The following LIPI variants were observed in gnomAD, a reference collection of about 807,000 sequenced individuals.
LIPI encodes lipase member I.
Under a neutral mutation model 50.6 loss-of-function variants are expected in LIPI, and 59 were observed. The observed-to-expected ratio is 1.16, with a 90% CI of 0.94 to 1.45. The LOEUF (loss-of-function observed/expected upper bound fraction) is 1.45. LIPI is among the 40% of genes most tolerant of loss of function. The pLI, the probability that LIPI is intolerant of heterozygous loss-of-function variation, is 0.00. For missense variants in LIPI, 586 were observed against 536.3 expected, an observed-to-expected ratio of 1.09 and a Z score of -0.92; for synonymous variants, 203 against 178.2, an observed-to-expected ratio of 1.14 and a Z score of -1.11.
intron 3 of LIPI, among the ~76,000 whole-genome samples, chr21:14,183,771 A>T (rs190339701): frequency 0.14 from 20,978 of 152,208 alleles, 1,910 homozygotes; most frequent in Non-Finnish European, 0.2. Flanking sequence ...CAAAACCACA[A>T]TGAGATACCA....
At chr21:14,186,541 A>T (rs895891675) in intron 2 of LIPI, among the ~76,000 whole-genome samples, 1 of 152,230 alleles carries the variant, frequency 6.6e-6, no homozygotes, top group Non-Finnish European at 1.5e-5. Flanking sequence ...TTATTAAGGA[A>T]ACTGCCAGAA....
At chr21:14,152,962 C>T (rs746373027) in intron 7 of LIPI, among the ~76,000 whole-genome samples, 6 of 152,148 alleles carry the variant, frequency 3.9e-5, no homozygotes, top group Non-Finnish European at 7.3e-5. Flanking sequence ...ATCCTAAATA[C>T]TGGCTTGTCT....
chr21:14,192,557 C>G (rs2019712662), intron 1 of LIPI, among the ~76,000 whole-genome samples: 1 of 151,916 alleles, frequency 6.6e-6, no homozygotes, highest in Non-Finnish European at 1.5e-5. Context: ...TCTTAAGGAA[C>G]ATTAAATTGA....
At chr21:14,198,303 C>G (rs2019931129) in intron 1 of LIPI, among the ~76,000 whole-genome samples, 1 of 151,998 alleles carries the variant, frequency 6.6e-6, no homozygotes, top group Non-Finnish European at 1.5e-5. Flanking sequence ...ATAAATGCCC[C>G]AATTGAAAGA....
chr21:14,199,342 C>G (rs1012084995), intron 1 of LIPI, among the ~76,000 whole-genome samples: 13 of 151,666 alleles, frequency 8.6e-5, no homozygotes, highest in African/African-American at 2.7e-4. Context: ...AATAAATAGA[C>G]TGCTAGCTAG....
At chr21:14,172,598 C>T (rs1271189559) in intron 4 of LIPI, among the ~76,000 whole-genome samples, 1 of 151,802 alleles carries the variant, frequency 6.6e-6, no homozygotes, top group Non-Finnish European at 1.5e-5. Context: ...TCATCATTCT[C>T]GGTAAACTAT....
At chr21:14,119,367 A>G (rs1053098431) in intron 9 of LIPI, among the ~76,000 whole-genome samples, 24 of 152,188 alleles carry the variant, frequency 1.6e-4, no homozygotes, top group African/African-American at 5.8e-4. Flanking sequence ...TGTCCAAGGA[A>G]AAGGCACAGA....
rs1362481742 is a variant in LIPI at position 14,186,305 on chromosome 21, A to T, written c.433-236T>A. On this transcript the variant is annotated intron_variant, in intron 2 of 9. Coordinates refer to ENST00000681601, the MANE Select transcript of LIPI (RefSeq NM_001302998.2). ...TATCAATTTATTTTAAAATTGTATC[A>T]TCTCATGCAGAACAGTATGCAAAAT... is the stretch of plus-strand genomic sequence containing the variant. 2.0e-5 allele frequency among the ~76,000 whole-genome samples: 3 copies of T among 152,178 alleles called. No individual in the cohort carries two copies. The East Asian group carries it at 5.8e-4, about 29-fold the overall frequency.
At chr21:14,117,316 G>A (rs1428780793) in intron 9 of LIPI, among the ~76,000 whole-genome samples, 1 of 14,982 alleles carries the variant, frequency 6.7e-5, no homozygotes, top group African/African-American at 3.2e-4. Flanking sequence ...TTAACTCACA[G>A]CCCAACCTGG....
chr21:14,189,385 T>C lies in LIPI; in HGVS notation c.81A>G (p.Leu27=). The change falls in exon 2 of 10, where the codon CTA becomes CTG. Residue 27 remains leucine (L), a synonymous_variant. Coordinates refer to ENST00000681601, the MANE Select transcript of LIPI (RefSeq NM_001302998.2). ...NKRPCLEFSQ[L]SVKDSFRDLF... is the part of the protein sequence containing the mutation. ...AATCTCTGAAGGAATCCTTTACACT[T>C]AGCTGAGAGAATTCAAGGCATGGTC... The C allele has an allele frequency of 6.2e-7, 1 of 1,612,802 alleles. No individual in the cohort carries two copies. Among genetic ancestry groups the C allele is most frequent in the Non-Finnish European group, 8.5e-7 (1 of 1,178,896 alleles).
intron 7 of LIPI, among the ~76,000 whole-genome samples, chr21:14,153,183 C>T (rs2123099844): frequency 6.6e-6 from 1 of 152,158 alleles, no homozygotes; most frequent in South Asian, 2.1e-4. Context: ...ATTCAAATTG[C>T]CTTTACTAAA....
chr21:14,154,670 A>C (rs1568853660), intron 7 of LIPI, among the ~76,000 whole-genome samples: 2 of 152,086 alleles, frequency 1.3e-5, no homozygotes, highest in African/African-American at 4.8e-5. Flanking sequence ...GCTGTGACAG[A>C]GTCTGATAAA....
chr21:14,194,865 T>A (rs905538969), intron 1 of LIPI, among the ~76,000 whole-genome samples: 4 of 152,168 alleles, frequency 2.6e-5, no homozygotes, highest in Admixed American at 6.6e-5. Flanking sequence ...ACATTAAGAA[T>A]CCAATTCCTG....
At chr21:14,202,664 C>T (rs1175242124) in intron 1 of LIPI, among the ~76,000 whole-genome samples, 4 of 152,234 alleles carry the variant, frequency 2.6e-5, no homozygotes, top group Admixed American at 2.6e-4. Flanking sequence ...CTTCCTCACC[C>T]CTTATACAAA....
In LIPI at chr21:14,163,406, G is replaced by T. The variant is rs112116463; in HGVS notation, c.1006+13C>A. On this transcript the variant is annotated intron_variant, in intron 7 of 9. Transcript: ENST00000681601. ...AAAAATTTGTTTATTTGTTAAAATTGTTAATAACTTACTACAGAATGGATA... is the reference window on the plus strand; with the variant it reads ...AAAAATTTGTTTATTTGTTAAAATTTTTAATAACTTACTACAGAATGGATA... 2 of 1,207,460 alleles carry T rather than the reference G, an allele frequency of 1.7e-6. No homozygotes were observed. The highest frequency in any genetic ancestry group is 2.5e-6 in the Non-Finnish European group (2 of 810,492). 74.8% of individuals were successfully genotyped at this position (1,207,460 alleles called of 1,614,324 possible).
intron 4 of LIPI, among the ~76,000 whole-genome samples, chr21:14,179,243 G>A (rs1284305832): frequency 6.6e-6 from 1 of 151,916 alleles, no homozygotes; most frequent in African/African-American, 2.4e-5. Context: ...TTACTGGCAA[G>A]TAGAAGATGT....
chr21:14,174,717 C>G (rs1183674568), intron 4 of LIPI, among the ~76,000 whole-genome samples: 2 of 152,146 alleles, frequency 1.3e-5, no homozygotes, highest in African/African-American at 4.8e-5. Flanking sequence ...CCATGCCCAG[C>G]TAATTTTTGG....
Position 14,157,524 on chromosome 21 carries a change from G to A in LIPI, c.1007-4840C>T, listed in dbSNP as rs541376708. Among the ~76,000 whole-genome samples the A allele has an allele frequency of 9.9e-5, 15 of 151,882 alleles. No homozygotes were observed. The South Asian group carries it at 1.0e-3, about 11-fold the overall frequency. ...GGAGATCCACCAGGCTTTGGAGAAC[G>A]TTATAGTGGTATAAATAGTGCCAAC... On this transcript the variant is annotated intron_variant, in intron 7 of 9. Coordinates refer to ENST00000681601, the MANE Select transcript of LIPI (RefSeq NM_001302998.2).
At chr21:14,201,791 T>C (rs1391514532) in intron 1 of LIPI, among the ~76,000 whole-genome samples, 1 of 152,138 alleles carries the variant, frequency 6.6e-6, no homozygotes, top group Non-Finnish European at 1.5e-5. Flanking sequence ...AGGGATGCCC[T>C]CTCTCACCAA....
Sources: gnomAD v4.1 joint callset for allele counts (sites outside exome capture counted in the v4.1 genomes callset) on GRCh38, gnomAD v4.1.1 for gene constraint, MANE v1.5 for transcripts, NCBI Gene and HGNC (gene_info 2026-07-23, HGNC 2026-07-21) for gene names.